The following CA2 variants were observed in gnomAD, a reference collection of about 807,000 sequenced individuals.
CA2 encodes carbonate dehydratase II.
In CA2, 23 loss-of-function variants were observed where a neutral mutation model predicts 27.8. The observed-to-expected ratio is 0.83, with a 90% CI of 0.59 to 1.17. The LOEUF (loss-of-function observed/expected upper bound fraction) is 1.17, where lower values mean the gene tolerates loss of function less well. CA2 is among the 50% of genes most tolerant of loss of function. CA2 has a pLI of 0.00. For synonymous variants in CA2, 99 were observed against 114.9 expected (o/e 0.86, Z 0.88); for missense variants, 300 against 314.7 (o/e 0.95, Z 0.35).
intron 2 of CA2, among the ~76,000 whole-genome samples, chr8:85,468,284 A>C (rs1554546866): frequency 6.6e-6 from 1 of 152,264 alleles, no homozygotes; most frequent in Non-Finnish European, 1.5e-5. Context: ...CCAGAAAGGC[A>C]AGAAGGTATA....
chr8:85,475,591 G>A (rs1227528381), intron 4 of CA2, among the ~76,000 whole-genome samples: 2 of 152,084 alleles, frequency 1.3e-5, no homozygotes, highest in Admixed American at 6.6e-5. Flanking sequence ...CTCTCTGAGT[G>A]GAATTAGAGG....
chr8:85,469,427 C>T (rs1249360173), intron 2 of CA2, among the ~76,000 whole-genome samples: 3 of 152,092 alleles, frequency 2.0e-5, no homozygotes, highest in South Asian at 2.1e-4. Context: ...TTTTAAACTA[C>T]GGAGTTAATA....
rs560821122 is a variant in CA2 at position 85,466,920 on chromosome 8, G to T, written c.232+1451G>T. Among the ~76,000 whole-genome samples, 3 of 152,220 alleles carry T rather than the reference G, an allele frequency of 2.0e-5. No individual in the cohort carries two copies. In the South Asian group the frequency reaches 6.2e-4, roughly 32 times the overall value. On this transcript the variant is annotated intron_variant, in intron 2 of 6. Coordinates refer to ENST00000285379, the MANE Select transcript of CA2 (RefSeq NM_000067.3). ...ACAAGACAAGGCCAAAGGTCTCAAG[G>T]TATTACACATACAGAAAGAATACTA...
Position 85,481,369 on chromosome 8 carries a change from G to A in CA2, c.*580G>A, listed in dbSNP as rs1386114061. 6.5e-6 allele frequency: 1 copy of A among 152,830 alleles called. No homozygotes were observed. The highest frequency in any genetic ancestry group is 1.5e-5 in the Non-Finnish European group (1 of 68,438). The allele number at this position is 152,830 out of a possible 1,614,324, so 9.5% of individuals were successfully genotyped here. A position where few individuals can be genotyped will look rare whatever the true frequency, so the allele number is the denominator to read the frequency against. On this transcript the variant is annotated 3_prime_UTR_variant, in exon 7 of 7. Transcript: ENST00000285379. ...TTTGAATTACAGAGATATAAATGAA[G>A]TATTATCTGTAAAAATTGTTATAAT...
At chr8:85,478,495 T>C (rs1811840265) in intron 6 of CA2, among the ~76,000 whole-genome samples, 1 of 152,228 alleles carries the variant, frequency 6.6e-6, no homozygotes, top group Admixed American at 6.5e-5. Flanking sequence ...TTTTCTTCTT[T>C]CACTGAGAGC....
At position 85,464,291 on chromosome 8, in the gene CA2, G is replaced by C. The variant is rs373301931; in HGVS notation, c.34+176G>C. ...GGGCGCTCGCTCCGCTCGCGGCTCC[G>C]CGGCGCCGGGGATGTCCCCCTTGCC... On this transcript the variant is annotated intron_variant, in intron 1 of 6. Coordinates refer to ENST00000285379, the MANE Select transcript of CA2 (RefSeq NM_000067.3). 2.6e-4 allele frequency: 130 copies of C among 507,784 alleles called. 3 individuals are homozygous for C. The South Asian group carries it at 3.3e-3, about 13-fold the overall frequency. The allele number at this position is 507,784 out of a possible 1,614,324, so 31.5% of individuals were successfully genotyped here.
At chr8:85,472,001 T>G (rs960261776) in intron 2 of CA2, among the ~76,000 whole-genome samples, 1 of 152,180 alleles carries the variant, frequency 6.6e-6, no homozygotes, top group Non-Finnish European at 1.5e-5. Context: ...TCATTCTTCC[T>G]TTTTTCTCCT....
rs1811615432 is a variant in CA2 at position 85,465,483 on chromosome 8, A to G, written c.232+14A>G. On this transcript the variant is annotated intron_variant, in intron 2 of 6. Transcript: ENST00000285379. ...AGGACAAAGCAGGTCAGTGTTTAGA[A>G]AATAACTTGTGTCTTTTAGCCAGTA... The G allele has an allele frequency of 1.2e-6, 2 of 1,606,958 alleles. No homozygotes were observed. The highest frequency in any genetic ancestry group is 1.7e-4 in the Middle Eastern group (1 of 6,058).
chr8:85,464,118 GAGTGCCGGCGACGGCC>G lies in CA2; in HGVS notation c.34+6_34+21del. 6.5e-7 allele frequency: 1 copy of G among 1,539,856 alleles called. No individual in the cohort carries two copies. The highest frequency in any genetic ancestry group is 8.7e-7 in the Non-Finnish European group (1 of 1,144,958). ...CTGGGGGTACGGCAAACACAACGGT[GAGTGCCGGCGACGGCC>G]AGCGCGGGGGCGCCCCGATCCCCGA... is the stretch of plus-strand genomic sequence containing the variant. On this transcript the variant is annotated splice_donor_5th_base_variant and intron_variant, in intron 1 of 6. Coordinates refer to ENST00000285379, the MANE Select transcript of CA2 (RefSeq NM_000067.3).
chr8:85,476,905 T>G (rs893015938), intron 5 of CA2, among the ~76,000 whole-genome samples: 6 of 152,142 alleles, frequency 3.9e-5, no homozygotes, highest in Non-Finnish European at 7.4e-5. Context: ...AAAATAGTTT[T>G]TTTTTTTTTT....
At chr8:85,468,168 AAAT>A (rs1393528885) in intron 2 of CA2, among the ~76,000 whole-genome samples, 1 of 152,244 alleles carries the variant, frequency 6.6e-6, no homozygotes, top group Admixed American at 6.5e-5. Context: ...TTTCCAGGGT[AAAT>A]AAGGCTTATG....
At chr8:85,476,500 C>T (rs1443211456) in intron 5 of CA2, among the ~76,000 whole-genome samples, 1 of 152,216 alleles carries the variant, frequency 6.6e-6, no homozygotes, top group Non-Finnish European at 1.5e-5. Context: ...CCCTTGAATT[C>T]ATAGAATAAA....
intron 2 of CA2, among the ~76,000 whole-genome samples, chr8:85,469,096 AT>A (rs1340215844): frequency 1.3e-5 from 2 of 152,046 alleles, no homozygotes; most frequent in Non-Finnish European, 2.9e-5. Context: ...AAAAGCTGGC[AT>A]TTTTTTCTGT....
chr8:85,469,679 A>G (rs908056208), intron 2 of CA2, among the ~76,000 whole-genome samples: 1 of 152,206 alleles, frequency 6.6e-6, no homozygotes, highest in African/African-American at 2.4e-5. Context: ...AATGAGTTTA[A>G]TACTCTCCTG....
At chr8:85,474,783 A>G (rs1333949782) in intron 4 of CA2, among the ~76,000 whole-genome samples, 1 of 152,218 alleles carries the variant, frequency 6.6e-6, no homozygotes, top group Non-Finnish European at 1.5e-5. Context: ...ATTTCAGGCA[A>G]CAGTGGGACA....
chr8:85,471,369 G>A (rs1811710627), intron 2 of CA2, among the ~76,000 whole-genome samples: 1 of 124,818 alleles, frequency 8.0e-6, no homozygotes. Context: ...TAATCATTGA[G>A]CCCAGAGCAC....
intron 2 of CA2, among the ~76,000 whole-genome samples, chr8:85,466,510 C>T (rs1388514074): frequency 1.3e-5 from 2 of 152,098 alleles, no homozygotes; most frequent in Non-Finnish European, 2.9e-5. Context: ...AAAAAGAATT[C>T]TTCCCTCCTT....
At chr8:85,477,901 G>A (rs192833867) in intron 6 of CA2, among the ~76,000 whole-genome samples, 6 of 152,286 alleles carry the variant, frequency 3.9e-5, no homozygotes, top group South Asian at 4.1e-4. Context: ...ACCTCTTAGC[G>A]CACAGTTGAA....
Position 85,464,031 on chromosome 8 carries a change from C to T in CA2, c.-51C>T, listed in dbSNP as rs1212303963. The T allele has an allele frequency of 6.5e-6, 10 of 1,534,248 alleles. No individual in the cohort carries two copies. In the East Asian group the frequency reaches 2.0e-4, roughly 30 times the overall value. On this transcript the variant is annotated 5_prime_UTR_variant, in exon 1 of 7. Transcript: ENST00000285379. ...CACACAGTGCAGGCGCCCAAGCCGC[C>T]GCCGCCAGATCGGTGCCGATTCCTG...
Sources: gnomAD v4.1 joint callset for allele counts (sites outside exome capture counted in the v4.1 genomes callset) on GRCh38, gnomAD v4.1.1 for gene constraint, MANE v1.5 for transcripts, NCBI Gene and HGNC (gene_info 2026-07-23, HGNC 2026-07-21) for gene names.